GRM1: variants seen among roughly 807,000 people sequenced by gnomAD.
The protein encoded by GRM1 is glutamate metabotropic receptor 1.
In GRM1, 33 loss-of-function variants were observed where a neutral mutation model predicts 90.9. The ratio of observed to expected loss-of-function variants is 0.36; its 90% CI spans 0.28 to 0.49. GRM1 has a LOEUF of 0.49. GRM1 is among the 20% of genes least tolerant of loss of function. The probability of loss-of-function intolerance (pLI) is 0.99; values close to 1 mark genes in which losing one functional copy is unlikely to be tolerated. For missense variants in GRM1, 1,190 were observed against 1,534.3 expected, an observed-to-expected ratio of 0.78 and a Z score of 3.75; for synonymous variants, 700 against 613.2, an observed-to-expected ratio of 1.14 and a Z score of -2.09.
chr6:146,170,837 A>T (rs575282832), intron 2 of GRM1, among the ~76,000 whole-genome samples: 186 of 151,548 alleles, frequency 1.2e-3, no homozygotes, highest in African/African-American at 3.6e-3. Flanking sequence ...ACTTTTTTTT[A>T]AAAAAATCTC....
At position 146,434,715 on chromosome 6, in the gene GRM1, G is replaced by A. The variant is rs371352897; in HGVS notation, c.3504G>A (p.Glu1168=). 15 of 1,602,122 alleles carry A rather than the reference G, an allele frequency of 9.4e-6. No homozygotes were observed. The African/African-American group carries it at 1.1e-4, about 11-fold the overall frequency. Residue 1168 remains glutamate, a synonymous_variant, in exon 8 of 8, where the codon GAG becomes GAA. Coordinates refer to ENST00000282753, the MANE Select transcript of GRM1 (RefSeq NM_001278064.2). The part of the protein sequence containing the change: ...GSSVPSSPVS[E]SVLCTPPNVS... ...CGGTGCCCAGCTCCCCCGTGTCCGAGTCGGTGCTCTGCACCCCTCCCAACG... is the reference window on the plus strand; with the variant it reads ...CGGTGCCCAGCTCCCCCGTGTCCGAATCGGTGCTCTGCACCCCTCCCAACG...
At position 146,187,577 on chromosome 6, in the gene GRM1, A is replaced by G. The variant is rs533990344; in HGVS notation, c.950+27980A>G. Reference sequence around the variant, plus strand: ...AAGATCATATTCTTTTGAATGATCTATGGTACCCATCAATGCACCAAGTAG... The same window carrying G: ...AAGATCATATTCTTTTGAATGATCTGTGGTACCCATCAATGCACCAAGTAG... On this transcript the variant is annotated intron_variant, in intron 2 of 7. Transcript: ENST00000282753. Among the ~76,000 whole-genome samples the G allele has an allele frequency of 4.6e-5, 7 of 152,156 alleles. No individual in the cohort carries two copies. The South Asian group carries it at 8.3e-4, about 18-fold the overall frequency.
intron 6 of GRM1, among the ~76,000 whole-genome samples, chr6:146,398,222 A>G (rs970963668): frequency 4.6e-5 from 7 of 152,198 alleles, no homozygotes; most frequent in East Asian, 1.9e-4. Flanking sequence ...AAGGTATAAT[A>G]TAGAGTTATG....
At chr6:146,265,096 G>C (rs1038710417) in intron 2 of GRM1, among the ~76,000 whole-genome samples, 2 of 152,018 alleles carry the variant, frequency 1.3e-5, no homozygotes, top group African/African-American at 4.8e-5. Flanking sequence ...TTAGTTCTTC[G>C]AGCAATCGCT....
At chr6:146,285,657 G>A (rs1047062626) in intron 2 of GRM1, among the ~76,000 whole-genome samples, 4 of 152,190 alleles carry the variant, frequency 2.6e-5, no homozygotes, top group Admixed American at 2.0e-4. Context: ...GGTGACCTCC[G>A]TTGATTGCAC....
At chr6:146,423,636 C>T (rs1458992856) in intron 7 of GRM1, among the ~76,000 whole-genome samples, 1 of 152,048 alleles carries the variant, frequency 6.6e-6, no homozygotes, top group African/African-American at 2.4e-5. Context: ...GTCACAGAGG[C>T]CACAGAGCTT....
At chr6:146,055,251 G>A (rs1562433084) in intron 1 of GRM1, among the ~76,000 whole-genome samples, 1 of 152,044 alleles carries the variant, frequency 6.6e-6, no homozygotes, top group Non-Finnish European at 1.5e-5. Context: ...TGTGTGTATT[G>A]CTTCTAGCAT....
At chr6:146,231,864 C>T (rs994705218) in intron 2 of GRM1, among the ~76,000 whole-genome samples, 4 of 151,276 alleles carry the variant, frequency 2.6e-5, no homozygotes, top group African/African-American at 9.8e-5. Context: ...GGAAATAGGT[C>T]TGAAATTTTG....
chr6:146,192,806 C>G (rs1038336811), intron 2 of GRM1, among the ~76,000 whole-genome samples: 1 of 152,252 alleles, frequency 6.6e-6, no homozygotes, highest in East Asian at 1.9e-4. Context: ...TTTAGTTATA[C>G]ATATGGTCTG....
Position 146,029,380 on chromosome 6 carries a change from C to G in GRM1, c.-138C>G. 1 of 768,324 alleles carries G rather than the reference C, an allele frequency of 1.3e-6. No homozygotes were observed. The highest frequency in any genetic ancestry group is 2.3e-6 in the Non-Finnish European group (1 of 426,528). The allele number at this position is 768,324 out of a possible 1,614,324, so 47.6% of individuals were successfully genotyped here. A position where few individuals can be genotyped will look rare whatever the true frequency, so the allele number is the denominator to read the frequency against. ...GAGGCGGTGGTGGAGGAGGCAAAGG[C>G]CTTGGACGACCATTGTTGGCGAGGG... On this transcript the variant is annotated 5_prime_UTR_variant, in exon 1 of 8. Transcript: ENST00000282753.
intron 2 of GRM1, among the ~76,000 whole-genome samples, chr6:146,272,019 C>A (rs1013893796): frequency 1.3e-5 from 2 of 152,162 alleles, no homozygotes; most frequent in African/African-American, 4.8e-5. Context: ...CACGTTCCTG[C>A]ATTTCATCAG....
chr6:146,127,311 A>T (rs181745854), intron 1 of GRM1, among the ~76,000 whole-genome samples: 1 of 152,352 alleles, frequency 6.6e-6, no homozygotes, highest in Admixed American at 6.5e-5. Flanking sequence ...TGGCCTCATC[A>T]GTGACATATT....
chr6:146,033,990 A>C (rs1217404817), intron 1 of GRM1, among the ~76,000 whole-genome samples: 1 of 152,070 alleles, frequency 6.6e-6, no homozygotes, highest in African/African-American at 2.4e-5. Context: ...ATCTTAATAC[A>C]TTGCTCATTT....
At chr6:146,122,831 T>C (rs1776040831) in intron 1 of GRM1, among the ~76,000 whole-genome samples, 1 of 143,162 alleles carries the variant, frequency 7.0e-6, no homozygotes, top group Non-Finnish European at 1.5e-5. Context: ...CTTTCTTTTC[T>C]TTTCTTTCTT....
intron 3 of GRM1, among the ~76,000 whole-genome samples, chr6:146,348,799 G>A (rs753507461): frequency 1.3e-5 from 2 of 152,112 alleles, no homozygotes; most frequent in African/African-American, 2.4e-5. Flanking sequence ...ATGGTGCCAG[G>A]GCACTGAAGG....
intron 3 of GRM1, among the ~76,000 whole-genome samples, chr6:146,334,736 G>T (rs1403741054): frequency 1.3e-5 from 2 of 152,194 alleles, no homozygotes; most frequent in Non-Finnish European, 2.9e-5. Context: ...TACTGTAACA[G>T]AGTGGCTAGG....
chr6:146,113,511 C>G (rs910130544), intron 1 of GRM1, among the ~76,000 whole-genome samples: 1 of 152,168 alleles, frequency 6.6e-6, no homozygotes. Flanking sequence ...AGTATATGTA[C>G]TCCTTATTTT....
chr6:146,271,085 A>C (rs1782143197), intron 2 of GRM1, among the ~76,000 whole-genome samples: 1 of 150,482 alleles, frequency 6.6e-6, no homozygotes, highest in African/African-American at 2.5e-5. Context: ...GCTCACTGCA[A>C]CCTTCACCTC....
chr6:146,162,966 C>T (rs890124659), intron 2 of GRM1, among the ~76,000 whole-genome samples: 1 of 152,058 alleles, frequency 6.6e-6, no homozygotes. Flanking sequence ...CATCTTTAAA[C>T]ATTTTTCCAG....
Sources: gnomAD v4.1 joint callset for allele counts (sites outside exome capture counted in the v4.1 genomes callset) on GRCh38, gnomAD v4.1.1 for gene constraint, MANE v1.5 for transcripts, NCBI Gene and HGNC (gene_info 2026-07-23, HGNC 2026-07-21) for gene names.